Variants in SYNPO2 observed in about 807,000 individuals in gnomAD.
SYNPO2 encodes synaptopodin-2.
SYNPO2 carries 56 observed loss-of-function variants against 85.0 expected under a neutral mutation model. The ratio of observed to expected loss-of-function variants is 0.66; its 90% CI spans 0.53 to 0.82. The LOEUF (loss-of-function observed/expected upper bound fraction) is 0.82, where lower values mean the gene tolerates loss of function less well. SYNPO2 is among the 40% of genes least tolerant of loss of function. SYNPO2 has a pLI of 0.00. For synonymous variants in SYNPO2, 602 were observed against 591.1 expected, an observed-to-expected ratio of 1.02 and a Z score of -0.27; for missense variants, 1,575 against 1,534.2, an observed-to-expected ratio of 1.03 and a Z score of -0.44.
chr4:118,976,389 G>T (rs1049032788), intron 1 of SYNPO2, among the ~76,000 whole-genome samples: 1 of 152,158 alleles, frequency 6.6e-6, no homozygotes, highest in South Asian at 2.1e-4. Context: ...TAAAAGCAGC[G>T]TGGACCCAAA....
chr4:118,879,798 A>G (rs1006128608), intron 1 of SYNPO2, among the ~76,000 whole-genome samples: 5 of 152,006 alleles, frequency 3.3e-5, no homozygotes, highest in African/African-American at 9.7e-5. Context: ...CGTAACTGCA[A>G]CTTTTGTGAC....
chr4:118,865,579 G>A (rs1731686518), intron 1 of SYNPO2, among the ~76,000 whole-genome samples: 3 of 152,296 alleles, frequency 2.0e-5, no homozygotes, highest in East Asian at 1.9e-4. Flanking sequence ...ACTGAAGAAA[G>A]ATCTTTGTTT....
chr4:118,960,844 C>T (rs946251101), intron 1 of SYNPO2, among the ~76,000 whole-genome samples: 3 of 152,130 alleles, frequency 2.0e-5, no homozygotes, highest in Non-Finnish European at 4.4e-5. Flanking sequence ...TTACCACCCT[C>T]CGCCTAATTC....
At position 119,027,418 on chromosome 4, in the gene SYNPO2, A is replaced by G; in HGVS notation, c.1049A>G (p.Lys350Arg). ...RSEKDHSRPH[K>R]HRARHARLRR... is the part of the protein sequence containing the mutation. ...GAAAAAGATCACAGCAGACCTCACA[A>G]GCACCGAGCGCGGCATGCACGTAAG... Residue 350 changes from lysine to arginine, a missense_variant, in exon 3 of 5, where the codon AAG (lysine) becomes AGG (arginine). Lys to Arg is a conservative substitution (Grantham distance 26). Coordinates refer to ENST00000307142, the MANE Select transcript of SYNPO2 (RefSeq NM_133477.3). 2 of 1,602,118 alleles carry G rather than the reference A, an allele frequency of 1.2e-6. No individual in the cohort carries two copies. The highest frequency in any genetic ancestry group is 1.7e-6 in the Non-Finnish European group (2 of 1,171,718).
At chr4:119,006,471 A>G (rs112875198) in intron 1 of SYNPO2, 2 of 152,210 alleles carry the variant, frequency 1.3e-5, no homozygotes, top group African/African-American at 4.8e-5. Context: ...TTATGTGACT[A>G]TCAAGTTCTC....
intron 1 of SYNPO2, among the ~76,000 whole-genome samples, chr4:118,879,601 C>T (rs1372567650): frequency 6.6e-6 from 1 of 152,186 alleles, no homozygotes; most frequent in Admixed American, 6.5e-5. Flanking sequence ...TTCCCAGCTG[C>T]CAGACCTGTG....
intron 1 of SYNPO2, among the ~76,000 whole-genome samples, chr4:119,017,156 A>C (rs925247329): frequency 6.6e-6 from 1 of 152,184 alleles, no homozygotes; most frequent in Admixed American, 6.5e-5. Flanking sequence ...TGTCTGTTTG[A>C]ATTTACACCT....
rs568811182 is a variant in SYNPO2 at position 118,903,320 on chromosome 4, C to G, written c.105+14179C>G. 2.4e-3 allele frequency among the ~76,000 whole-genome samples: 362 copies of G among 152,160 alleles called. 1 individual carries two copies. The highest frequency in any genetic ancestry group is 8.1e-3 in the African/African-American group (338 of 41,520). ...GAAAAAGAATGAGCTCATGAGAAAGCCTCTTTCTCTTTCTGTGTACCTGGC... is the reference window on the plus strand; with the variant it reads ...GAAAAAGAATGAGCTCATGAGAAAGGCTCTTTCTCTTTCTGTGTACCTGGC... On this transcript the variant is annotated intron_variant, in intron 1 of 4. Transcript: ENST00000307142.
intron 1 of SYNPO2, among the ~76,000 whole-genome samples, chr4:119,004,244 A>C (rs768164651): frequency 9.9e-5 from 15 of 152,126 alleles, no homozygotes; most frequent in Admixed American, 2.0e-4. Context: ...AAAAAAGTAT[A>C]CTTTAAGTTT....
At chr4:119,037,006 T>C (rs1738543588) in intron 4 of SYNPO2, 3 of 1,353,648 alleles carry the variant, frequency 2.2e-6, no homozygotes, top group Non-Finnish European at 2.9e-6. Flanking sequence ...TAGGTAATAA[T>C]TTTTCTAATT....
upstream of SYNPO2, among the ~76,000 whole-genome samples, chr4:118,887,028 G>A (rs2149111949): frequency 6.6e-6 from 1 of 152,280 alleles, no homozygotes. Flanking sequence ...ATTTCCAGCT[G>A]GGGCCACTGT....
At chr4:119,018,165 T>C (rs1051831035) in intron 1 of SYNPO2, among the ~76,000 whole-genome samples, 6 of 152,178 alleles carry the variant, frequency 3.9e-5, no homozygotes, top group African/African-American at 1.2e-4. Context: ...GATCAAGAAA[T>C]GGAAATCCTC....
rs533114496 is a variant in SYNPO2 at position 119,037,942 on chromosome 4, A to G, written c.3252+5915A>G. 4.4e-5 allele frequency: 9 copies of G among 204,802 alleles called. No individual in the cohort carries two copies. The East Asian group carries it at 1.3e-3, about 30-fold the overall frequency. 12.7% of individuals were successfully genotyped at this position (204,802 alleles called of 1,614,324 possible). A position where few individuals can be genotyped will look rare whatever the true frequency, so the allele number is the denominator to read the frequency against. On this transcript the variant is annotated intron_variant, in intron 4 of 4. Coordinates refer to ENST00000307142, the MANE Select transcript of SYNPO2 (RefSeq NM_133477.3). ...AGTCTGCAGCCTGAATTCTTAACCA[A>G]TTATACTGTGATTTCATTATTCTTC...
chr4:119,023,658 A>T (rs1027753886), intron 2 of SYNPO2, 77 bp downstream of exon 2: 1 of 1,428,330 alleles, frequency 7.0e-7, no homozygotes, highest in Admixed American at 2.3e-5. Context: ...TACATATATA[A>T]CTTGTCATTT....
intron 1 of SYNPO2, among the ~76,000 whole-genome samples, chr4:118,873,499 C>G (rs1363316952): frequency 6.6e-6 from 1 of 151,974 alleles, no homozygotes; most frequent in Non-Finnish European, 1.5e-5. Context: ...TGTATGTCTT[C>G]TTTTGAAAAA....
intron 1 of SYNPO2, among the ~76,000 whole-genome samples, chr4:118,956,193 T>G (rs1338785851): frequency 6.6e-6 from 1 of 152,178 alleles, no homozygotes; most frequent in Non-Finnish European, 1.5e-5. Flanking sequence ...AAATAAGAAC[T>G]GATTTTAAAG....
chr4:119,031,463 C>G lies in SYNPO2; in HGVS notation c.2688C>G (p.His896Gln). 6.2e-7 allele frequency: 1 copy of G among 1,614,102 alleles called. No homozygotes were observed. The highest frequency in any genetic ancestry group is 8.5e-7 in the Non-Finnish European group (1 of 1,180,024). ...YVVDSDTVQA[H>Q]AARAQSPTPS... The stretch of plus-strand genomic sequence containing the variant: ...TCGATTCAGACACGGTGCAGGCCCA[C>G]GCTGCTCGAGCTCAGTCTCCCACTC... Residue 896 changes from histidine to glutamine, a missense_variant, in exon 4 of 5, where the codon CAC becomes CAG. His to Gln is a conservative substitution (Grantham distance 24, BLOSUM62 0). This residue lies in a region of SYNPO2 where 1,508 missense variants were observed against 1,446.8 expected (regional missense o/e 1.04). Transcript: ENST00000307142.
At chr4:119,015,500 T>C (rs1018376284) in intron 1 of SYNPO2, among the ~76,000 whole-genome samples, 6 of 152,168 alleles carry the variant, frequency 3.9e-5, no homozygotes, top group African/African-American at 7.2e-5. Flanking sequence ...GAGATGTTTA[T>C]ATCTGAAACT....
chr4:118,910,964 T>A (rs1159741173), intron 1 of SYNPO2, among the ~76,000 whole-genome samples: 1 of 152,198 alleles, frequency 6.6e-6, no homozygotes, highest in Admixed American at 6.5e-5. Context: ...TGGTGCTTAA[T>A]GATATAGTGT....
Sources: gnomAD v4.1 joint callset for allele counts (sites outside exome capture counted in the v4.1 genomes callset) on GRCh38, gnomAD v4.1.1 for gene constraint, gnomAD v4.1.1 regional missense constraint, MANE v1.5 for transcripts, NCBI Gene and HGNC (gene_info 2026-07-23, HGNC 2026-07-21) for gene names.